The following SRGAP3 variants were observed in gnomAD, a reference collection of about 807,000 sequenced individuals.
SRGAP3 encodes the protein SLIT-ROBO Rho GTPase activating protein 3, also known as SLIT-ROBO Rho GTPase-activating protein 3.
Under a neutral mutation model 121.1 loss-of-function variants are expected in SRGAP3, and 39 were observed. The ratio of observed to expected loss-of-function variants is 0.32; its 90% confidence interval spans 0.25 to 0.42. The LOEUF (loss-of-function observed/expected upper bound fraction) is 0.42. SRGAP3 is among the 10% of genes least tolerant of loss of function. The probability of loss-of-function intolerance (pLI) is 1.00; values close to 1 mark genes in which losing one functional copy is unlikely to be tolerated. For missense variants in SRGAP3, 1,213 were observed against 1,470.6 expected (o/e 0.82, Z 2.86); for synonymous variants, 601 against 570.0 (o/e 1.05, Z -0.77).
intron 5 of SRGAP3, 84 bp downstream of exon 5, chr3:9,064,312 G>A (rs1037155850): frequency 1.9e-6 from 3 of 1,582,380 alleles, no homozygotes; most frequent in East Asian, 2.2e-5. Context: ...GAATAAGGGG[G>A]AAGGCTAAGG....
At chr3:9,348,520 C>T (rs1281252201) in intron 1 of SRGAP3, 7 of 752,572 alleles carry the variant, frequency 9.3e-6, no homozygotes, top group African/African-American at 3.4e-5. Flanking sequence ...GCAGCTGGTA[C>T]AACACCGACC....
At chr3:9,205,413 A>G (rs75008034) in intron 1 of SRGAP3, among the ~76,000 whole-genome samples, 7,599 of 152,336 alleles carry the variant, frequency 0.05, 228 homozygotes, top group African/African-American at 0.083. Context: ...CAAATGCTCA[A>G]TAGCCACATG....
At position 9,335,179 on chromosome 3, in the gene SRGAP3, T is replaced by G. The variant is rs756908089; in HGVS notation, n.215-4583A>C. On this transcript the variant is annotated intron_variant and non_coding_transcript_variant, in intron 1 of 3. Transcript: ENST00000490889. ...CCTGGGCTCACTCATATGGTCCCAT[T>G]GATTTGAAAGATTGCCTGGGGGCTG... Among the ~76,000 whole-genome samples the G allele has an allele frequency of 2.6e-4, 39 of 152,188 alleles. 1 individual carries two copies. Among genetic ancestry groups the G allele is most frequent in the Non-Finnish European group, 5.0e-4 (34 of 68,018 alleles).
intron 3 of SRGAP3, among the ~76,000 whole-genome samples, chr3:9,269,830 G>T (rs1196047000): frequency 6.6e-6 from 1 of 151,960 alleles, no homozygotes; most frequent in Admixed American, 6.6e-5. Context: ...TTCTAATAAG[G>T]TGTCATATGA....
chr3:9,278,623 A>C (rs570732155), intron 3 of SRGAP3, among the ~76,000 whole-genome samples: 1 of 152,324 alleles, frequency 6.6e-6, no homozygotes, highest in Non-Finnish European at 1.5e-5. Flanking sequence ...TAAGATTACT[A>C]TTTAAAGTAG....
chr3:9,021,133 T>C (rs1272001617), intron 14 of SRGAP3, among the ~76,000 whole-genome samples: 1 of 152,220 alleles, frequency 6.6e-6, no homozygotes, highest in African/African-American at 2.4e-5. Context: ...TCCATCCCTC[T>C]TCTTGAGGCA....
intron 10 of SRGAP3, among the ~76,000 whole-genome samples, chr3:9,041,985 CGGCTACTCGGGA>C (rs1553644412): frequency 2.6e-5 from 4 of 151,738 alleles, no homozygotes; most frequent in Non-Finnish European, 5.9e-5. Flanking sequence ...CCTGTAATCC[CGGCTACTCGGGA>C]GGCTAAGACA....
chr3:9,212,214 G>A (rs571550891), intron 1 of SRGAP3, among the ~76,000 whole-genome samples: 2 of 152,300 alleles, frequency 1.3e-5, no homozygotes, highest in Non-Finnish European at 2.9e-5. Context: ...AGAGGATGAA[G>A]GAGTTAAGCT....
rs190823029 is a variant in SRGAP3 at position 9,003,365 on chromosome 3, G to A, written c.2227+6943C>T. On this transcript the variant is annotated intron_variant, in intron 18 of 21. Transcript: ENST00000383836. ...ATGGTATCGGGCACCTGTAATATCA[G>A]TTACTCTGGAGGCTGAGGCAGGAGA... Among the ~76,000 whole-genome samples, 81 of 152,224 alleles carry A rather than the reference G, an allele frequency of 5.3e-4. 2 individuals are homozygous for A. In the East Asian group the frequency reaches 6.6e-3, roughly 12 times the overall value.
chr3:9,187,857 G>A (rs1237301940), intron 1 of SRGAP3, among the ~76,000 whole-genome samples: 3 of 152,150 alleles, frequency 2.0e-5, no homozygotes, highest in Non-Finnish European at 2.9e-5. Flanking sequence ...CAGAACACCT[G>A]CAATCCTTCA....
At chr3:9,208,330 C>T (rs1952335135) in intron 1 of SRGAP3, among the ~76,000 whole-genome samples, 1 of 152,164 alleles carries the variant, frequency 6.6e-6, no homozygotes, top group Non-Finnish European at 1.5e-5. Flanking sequence ...ACCACTTTGA[C>T]TTTGGAGCTG....
At chr3:9,116,258 T>C (rs1237693933) in intron 2 of SRGAP3, among the ~76,000 whole-genome samples, 1 of 152,238 alleles carries the variant, frequency 6.6e-6, no homozygotes. Flanking sequence ...GAAAATGCTA[T>C]CCTCGGACAT....
chr3:9,141,552 G>GT (rs1560250706), intron 1 of SRGAP3, among the ~76,000 whole-genome samples: 7,018 of 119,168 alleles, frequency 0.059, 631 homozygotes, highest in African/African-American at 0.24. Context: ...CTGACTTCAG[G>GT]GGTGTGTGTG....
rs1955945836 is a variant in SRGAP3, at chr3:9,348,417, C to G, written n.214+14423G>C. 3 of 597,896 alleles carry G rather than the reference C, an allele frequency of 5.0e-6. No individual in the cohort carries two copies. In the African/African-American group the frequency reaches 5.5e-5, roughly 11 times the overall value. 37.0% of individuals were successfully genotyped at this position (597,896 alleles called of 1,614,324 possible). ...GCCTCCAGAATCCGCGAACCCCAGT[C>G]AGCGTCGCATCCCCAGCCCGCCACC... On this transcript the variant is annotated intron_variant and non_coding_transcript_variant, in intron 1 of 3. Coordinates refer to the SRGAP3 transcript ENST00000490889.
intron 4 of SRGAP3, among the ~76,000 whole-genome samples, chr3:9,079,017 TC>T (rs1343994776): frequency 1.3e-5 from 2 of 152,102 alleles, no homozygotes; most frequent in African/African-American, 4.8e-5. Flanking sequence ...TCTCAGTGCC[TC>T]TGAGGAATTT....
intron 1 of SRGAP3, among the ~76,000 whole-genome samples, chr3:9,145,207 T>C (rs1949984293): frequency 6.6e-6 from 1 of 152,176 alleles, no homozygotes; most frequent in Admixed American, 6.5e-5. Flanking sequence ...GCGATTCTCC[T>C]ACCTCAGCCT....
At chr3:9,121,930 A>T (rs940510395) in intron 2 of SRGAP3, among the ~76,000 whole-genome samples, 3 of 152,172 alleles carry the variant, frequency 2.0e-5, no homozygotes, top group African/African-American at 7.2e-5. Flanking sequence ...CTGTGGTTCC[A>T]GGGAGGGTCC....
chr3:9,356,185 TTTTTTTC>T (rs770900639), intron 1 of SRGAP3, among the ~76,000 whole-genome samples: 4,527 of 144,630 alleles, frequency 0.031, 137 homozygotes, highest in Non-Finnish European at 0.046. Context: ...TTATGGGACT[TTTTTTTC>T]TTTTTTTTTT....
intron 1 of SRGAP3, among the ~76,000 whole-genome samples, chr3:9,216,231 G>A (rs57153389): frequency 0.031 from 4,763 of 152,238 alleles, 143 homozygotes; most frequent in East Asian, 0.16. Context: ...GACCCTTCTA[G>A]AACACTCAGG....
Sources: allele counts gnomAD v4.1 joint callset (sites outside exome capture counted in the v4.1 genomes callset), GRCh38; gene constraint gnomAD v4.1.1; transcripts MANE v1.5; gene names NCBI Gene and HGNC (gene_info 2026-07-23, HGNC 2026-07-21).